Variants in FILIP1L observed in about 807,000 individuals in gnomAD.
FILIP1L encodes filamin A interacting protein 1 like.
A neutral mutation model predicts 96.6 loss-of-function variants in FILIP1L; 55 were observed. That is an observed-to-expected ratio of 0.57 (90% confidence interval 0.46 to 0.71). The LOEUF (loss-of-function observed/expected upper bound fraction) is 0.71, where lower values mean the gene tolerates loss of function less well. Among genes scored for constraint, FILIP1L ranks in the 30% least tolerant of loss-of-function variants. FILIP1L has a pLI of 0.00. For missense variants in FILIP1L, 1,304 were observed against 1,321.2 expected, an observed-to-expected ratio of 0.99 and a Z score of 0.20; for synonymous variants, 467 against 473.9, an observed-to-expected ratio of 0.99 and a Z score of 0.19.
Position 99,930,789 on chromosome 3 carries a change from T to C in FILIP1L, c.232A>G (p.Ile78Val), listed in dbSNP as rs370095821. Residue 78 changes from isoleucine (I) to valine (V), a missense_variant, in exon 2 of 6, where the codon ATT (isoleucine) becomes GTT (valine). Ile to Val is a conservative substitution (Grantham distance 29, BLOSUM62 3). Coordinates refer to ENST00000477258, the MANE Select transcript of FILIP1L (RefSeq NM_001387850.1). ...CTGACCTGCAGTTCTCCCTCCAGAA[T>C]GCTGAGGAGAAATAACAGGTCATCT... ...SRDDLLFLLS[I>V]LEGELQARDE... The C allele has an allele frequency of 1.9e-6, 3 of 1,613,198 alleles. No individual in the cohort carries two copies. The African/African-American group carries it at 4.0e-5, about 22-fold the overall frequency.
chr3:99,913,858 T>C (rs1706871262), intron 4 of FILIP1L, among the ~76,000 whole-genome samples: 1 of 152,220 alleles, frequency 6.6e-6, no homozygotes, highest in Non-Finnish European at 1.5e-5. Flanking sequence ...GCTAATGCGT[T>C]TCTTCTGAAA....
At chr3:100,030,070 C>T (rs2064997625) in intron 1 of FILIP1L, among the ~76,000 whole-genome samples, 1 of 152,100 alleles carries the variant, frequency 6.6e-6, no homozygotes, top group Admixed American at 6.6e-5. Context: ...CTGGAAAGGA[C>T]CTTAAAACCC....
At chr3:100,034,525 C>T (rs993169955) in intron 1 of FILIP1L, among the ~76,000 whole-genome samples, 1 of 152,148 alleles carries the variant, frequency 6.6e-6, no homozygotes, top group Non-Finnish European at 1.5e-5. Context: ...TTTGTGTTGC[C>T]TAAATAATAG....
At chr3:99,938,050 A>AGTGT (rs71625545) in intron 1 of FILIP1L, among the ~76,000 whole-genome samples, 4,362 of 148,926 alleles carry the variant, frequency 0.029, 86 homozygotes, top group Middle Eastern at 0.04. Flanking sequence ...AGGCTCAGGA[A>AGTGT]GTGTGTGTGT....
At chr3:99,883,072 A>T (rs187110487) in intron 4 of FILIP1L, among the ~76,000 whole-genome samples, 1 of 152,250 alleles carries the variant, frequency 6.6e-6, no homozygotes, top group Admixed American at 6.5e-5. Context: ...AGTCTACATC[A>T]TAAAATGCAG....
At chr3:99,873,873 A>G (rs1409823811) in intron 4 of FILIP1L, among the ~76,000 whole-genome samples, 1 of 152,212 alleles carries the variant, frequency 6.6e-6, no homozygotes, top group Non-Finnish European at 1.5e-5. Context: ...AATCACCACA[A>G]AAGTGCAAAT....
intron 1 of FILIP1L, among the ~76,000 whole-genome samples, chr3:99,975,102 C>T (rs1232453804): frequency 6.6e-6 from 1 of 152,198 alleles, no homozygotes; most frequent in African/African-American, 2.4e-5. Context: ...CTAGATTAAG[C>T]CCAGTGAAGT....
intron 4 of FILIP1L, among the ~76,000 whole-genome samples, chr3:99,860,405 T>TA (rs1944184411): frequency 6.6e-6 from 1 of 152,180 alleles, no homozygotes. Context: ...ATCAGGATTC[T>TA]AAAAAGCGGT....
intron 4 of FILIP1L, among the ~76,000 whole-genome samples, chr3:99,908,694 G>T (rs1706698060): frequency 1.3e-5 from 2 of 152,170 alleles, no homozygotes; most frequent in South Asian, 4.2e-4. Context: ...TTAAAAGGTT[G>T]TTAGGAGGAT....
At chr3:100,037,939 C>CTT (rs150366639) in intron 1 of FILIP1L, among the ~76,000 whole-genome samples, 2,949 of 118,076 alleles carry the variant, frequency 0.025, 86 homozygotes, top group South Asian at 0.049. Context: ...AATCGCTTTT[C>CTT]TTTTTTTTTT....
intron 1 of FILIP1L, among the ~76,000 whole-genome samples, chr3:100,032,198 G>A (rs967768799): frequency 7.9e-5 from 12 of 152,156 alleles, no homozygotes; most frequent in Admixed American, 3.9e-4. Flanking sequence ...ATTTAAATGT[G>A]GTAGAGGAAA....
chr3:99,866,630 C>A (rs1055758225), intron 4 of FILIP1L, among the ~76,000 whole-genome samples: 1 of 152,100 alleles, frequency 6.6e-6, no homozygotes, highest in Admixed American at 6.6e-5. Flanking sequence ...GAGGTTCAGG[C>A]AGTTAGAGGA....
chr3:100,014,847 A>T (rs1576642095), intron 1 of FILIP1L, among the ~76,000 whole-genome samples: 5 of 54,362 alleles, frequency 9.2e-5, no homozygotes, highest in African/African-American at 2.9e-4. Flanking sequence ...TTTTTATCTG[A>T]TGCAACACCA....
At chr3:100,062,758 A>G (rs1324126064) in intron 1 of FILIP1L, among the ~76,000 whole-genome samples, 2 of 152,232 alleles carry the variant, frequency 1.3e-5, no homozygotes, top group Non-Finnish European at 2.9e-5. Context: ...GTCGTTGTGA[A>G]AAAGCTTTGT....
At chr3:100,007,786 A>G (rs981380427) in intron 1 of FILIP1L, among the ~76,000 whole-genome samples, 3 of 152,208 alleles carry the variant, frequency 2.0e-5, no homozygotes. Context: ...GAAAAAATAT[A>G]TTAGTTATCT....
chr3:100,106,609 C>CT (rs1559759472), intron 1 of FILIP1L, among the ~76,000 whole-genome samples: 1 of 152,150 alleles, frequency 6.6e-6, no homozygotes, highest in Admixed American at 6.6e-5. Flanking sequence ...ATCATTTTCT[C>CT]TAACTGTGTT....
intron 1 of FILIP1L, among the ~76,000 whole-genome samples, chr3:99,945,144 G>T (rs1180302879): frequency 6.6e-6 from 1 of 152,150 alleles, no homozygotes; most frequent in African/African-American, 2.4e-5. Context: ...TGGTCATGTG[G>T]CTGTGACTAG....
intron 1 of FILIP1L, among the ~76,000 whole-genome samples, chr3:99,996,919 A>G (rs1709702659): frequency 6.6e-6 from 1 of 152,210 alleles, no homozygotes; most frequent in Admixed American, 6.5e-5. Flanking sequence ...TGAAGAAATT[A>G]TAATGGAAAT....
At chr3:99,901,494 T>C (rs1026349357) in intron 4 of FILIP1L, among the ~76,000 whole-genome samples, 7 of 152,204 alleles carry the variant, frequency 4.6e-5, no homozygotes, top group African/African-American at 1.7e-4. Flanking sequence ...ATGAAACTGA[T>C]TGAGTGTTTC....
Sources: allele counts gnomAD v4.1 joint callset (sites outside exome capture counted in the v4.1 genomes callset), GRCh38; gene constraint gnomAD v4.1.1; transcripts MANE v1.5; gene names NCBI Gene and HGNC (gene_info 2026-07-23, HGNC 2026-07-21).